Variants in TERB1 observed in about 807,000 individuals in gnomAD.
The protein encoded by TERB1 is telomere repeat binding bouquet formation protein 1.
A neutral mutation model predicts 92.3 loss-of-function variants in TERB1; 63 were observed. That is an observed-to-expected ratio of 0.68 (90% CI 0.56 to 0.84). TERB1 has a LOEUF of 0.84. Ranked by LOEUF, TERB1 falls within the 40% of genes least tolerant of loss-of-function variation. TERB1 has a pLI of 0.00. For missense variants in TERB1, 709 were observed against 843.7 expected (o/e 0.84, Z 1.98); for synonymous variants, 252 against 283.9 (o/e 0.89, Z 1.13).
chr16:66,783,655 G>A (rs1442868452), intron 9 of TERB1, among the ~76,000 whole-genome samples: 1 of 152,150 alleles, frequency 6.6e-6, no homozygotes, highest in African/African-American at 2.4e-5. Flanking sequence ...GAAATGTTTA[G>A]CAGAATTCGC....
intron 16 of TERB1, among the ~76,000 whole-genome samples, chr16:66,759,797 CAA>C (rs762588462): frequency 1.3e-4 from 4 of 30,784 alleles, no homozygotes; most frequent in South Asian, 1.1e-3. Context: ...GACTCTGTCT[CAA>C]AAAAAAAAAA....
At chr16:66,781,680 C>G (rs991361760) in intron 9 of TERB1, among the ~76,000 whole-genome samples, 2 of 151,856 alleles carry the variant, frequency 1.3e-5, no homozygotes, top group Admixed American at 6.6e-5. Flanking sequence ...CCACCACGCC[C>G]GGCTAATTTT....
At position 66,779,163 on chromosome 16, in the gene TERB1, C is replaced by G. The variant is rs998545189; in HGVS notation, c.701-148G>C. 5 of 528,132 alleles carry G rather than the reference C, an allele frequency of 9.5e-6. No homozygotes were observed. In the African/African-American group the frequency reaches 9.6e-5, roughly 10 times the overall value. The allele number at this position is 528,132 out of a possible 1,614,324, so 32.7% of individuals were successfully genotyped here. On this transcript the variant is annotated intron_variant, in intron 9 of 18. Transcript: ENST00000433154. ...TAAAGAACTAAAAATCCAATCTTTA[C>G]CTGTGCATATAATCATAAAATAGAT...
At chr16:66,779,200 T>C (rs1329416473) in intron 9 of TERB1, among the ~76,000 whole-genome samples, 185 bp from the exon 10 acceptor site, 2 of 152,248 alleles carry the variant, frequency 1.3e-5, no homozygotes, top group Non-Finnish European at 2.9e-5. Flanking sequence ...ACTTATTATG[T>C]ATCTTACTTT....
In TERB1 at chr16:66,755,043, C is replaced by T. The variant is rs1014978866; in HGVS notation, c.2117G>A (p.Arg706Gln). The change falls in exon 19 of 19, where the codon CGG becomes CAG. Residue 706 changes from arginine (R) to glutamine (Q), a missense_variant. Coordinates refer to ENST00000433154, the MANE Select transcript of TERB1 (RefSeq NM_001136505.2). ...ILWSFPFQQG[R>Q]KAVDLAHKYH... ...TTTGTGAGCAAGGTCCACAGCCTTC[C>T]GTCCTTGCTGAAAGGGGAAAGACCA... 6.1e-5 allele frequency: 94 copies of T among 1,551,518 alleles called. No individual in the cohort carries two copies. The highest frequency in any genetic ancestry group is 7.1e-5 in the Non-Finnish European group (82 of 1,146,966).
chr16:66,798,439 C>A (rs951937457), intron 2 of TERB1, among the ~76,000 whole-genome samples: 4 of 152,156 alleles, frequency 2.6e-5, no homozygotes, highest in African/African-American at 9.7e-5. Flanking sequence ...GTCTTGGCCT[C>A]CCAAAGGGCT....
intron 9 of TERB1, among the ~76,000 whole-genome samples, chr16:66,779,973 C>T (rs1054368140): frequency 2.6e-5 from 4 of 152,268 alleles, no homozygotes; most frequent in Middle Eastern, 3.4e-3. Flanking sequence ...AATTCTGGGC[C>T]GGGCACCATG....
chr16:66,774,639 G>C (rs1289825951), intron 12 of TERB1, among the ~76,000 whole-genome samples: 3 of 150,760 alleles, frequency 2.0e-5, no homozygotes, highest in Non-Finnish European at 4.4e-5. Flanking sequence ...TGTATATGCT[G>C]AATATACCCT....
At chr16:66,794,884 T>C (rs562266472) in intron 3 of TERB1, among the ~76,000 whole-genome samples, 18 of 140,950 alleles carry the variant, frequency 1.3e-4, no homozygotes, top group African/African-American at 5.1e-4. Context: ...CACTCCAGCC[T>C]GGGCGACAGA....
chr16:66,778,724 G>A (rs2018588641), intron 10 of TERB1, 139 bp downstream of exon 10: 2 of 703,914 alleles, frequency 2.8e-6, no homozygotes, highest in South Asian at 3.5e-5. Context: ...AGCCATGTTG[G>A]ATACTTTCTA....
At chr16:66,786,336 G>T in intron 6 of TERB1, 51 bp from the exon 7 acceptor site, 1 of 1,272,676 alleles carries the variant, frequency 7.9e-7, no homozygotes, top group Non-Finnish European at 1.1e-6. Flanking sequence ...AAATAGTCTT[G>T]CAGAAATGAA....
At chr16:66,768,241 C>G in intron 14 of TERB1, 73 bp from the exon 15 acceptor site, 1 of 1,217,768 alleles carries the variant, frequency 8.2e-7, no homozygotes, top group Non-Finnish European at 1.2e-6. Context: ...TTTCTGTAAG[C>G]AGTGTTGTGA....
At position 66,762,262 on chromosome 16, in the gene TERB1, T is replaced by G. The variant is rs560310880; in HGVS notation, c.1781-2972A>C. Among the ~76,000 whole-genome samples, 52 of 152,378 alleles carry G rather than the reference T, an allele frequency of 3.4e-4. No homozygotes were observed. In the South Asian group the frequency reaches 0.011, roughly 31 times the overall value. On this transcript the variant is annotated intron_variant, in intron 16 of 18. Coordinates refer to ENST00000433154, the MANE Select transcript of TERB1 (RefSeq NM_001136505.2). ...TGGCTAATCATGTTTTATTTATACC[T>G]CTACCTACTCAGCTCTGTCCCCACG... is the stretch of plus-strand genomic sequence containing the variant.
rs1184228435 is a variant in TERB1, at chr16:66,754,946, C to A, written c.*30G>T. 2 of 1,525,358 alleles carry A rather than the reference C, an allele frequency of 1.3e-6. No individual in the cohort carries two copies. The highest frequency in any genetic ancestry group is 1.8e-6 in the Non-Finnish European group (2 of 1,136,246). 94.5% of individuals were successfully genotyped at this position (1,525,358 alleles called of 1,614,324 possible). A position where few individuals can be genotyped will look rare whatever the true frequency, so the allele number is the denominator to read the frequency against. On this transcript the variant is annotated 3_prime_UTR_variant, in exon 19 of 19. Transcript: ENST00000433154. ...TTTCAAGGCACTGTATTTTAAGAATCCAAACTAAAAACTGACAGTCTTCTT... is the reference window on the plus strand; with the variant it reads ...TTTCAAGGCACTGTATTTTAAGAATACAAACTAAAAACTGACAGTCTTCTT...
At chr16:66,790,408 G>A (rs374021204) in intron 5 of TERB1, among the ~76,000 whole-genome samples, 187 bp downstream of exon 5, 10 of 147,504 alleles carry the variant, frequency 6.8e-5, no homozygotes, top group African/African-American at 2.2e-4. Context: ...GAAAGGAAAC[G>A]AAAGGAAAGG....
intron 18 of TERB1, among the ~76,000 whole-genome samples, chr16:66,757,182 A>G (rs1428656004): frequency 3.9e-5 from 6 of 152,176 alleles, no homozygotes; most frequent in Non-Finnish European, 4.4e-5. Context: ...TCCTTTCTAA[A>G]TTCTAAAAAG....
chr16:66,783,533 A>G (rs1329114006), intron 9 of TERB1, among the ~76,000 whole-genome samples: 1 of 152,114 alleles, frequency 6.6e-6, no homozygotes, highest in Non-Finnish European at 1.5e-5. Context: ...GTTTCTCGTA[A>G]TGTTGTTTCT....
Position 66,786,303 on chromosome 16 carries a change from A to T in TERB1, c.401-18T>A. ...TCCGGTCCCTTAAAAAAATAGCCATATAAAAATATGAGTTTTATTTACAAA... is the reference window on the plus strand; with the variant it reads ...TCCGGTCCCTTAAAAAAATAGCCATTTAAAAATATGAGTTTTATTTACAAA... On this transcript the variant is annotated intron_variant, in intron 6 of 18. Transcript: ENST00000433154. 1 of 1,515,832 alleles carries T rather than the reference A, an allele frequency of 6.6e-7. No individual in the cohort carries two copies. The highest frequency in any genetic ancestry group is 8.9e-7 in the Non-Finnish European group (1 of 1,122,214). The allele number at this position is 1,515,832 out of a possible 1,614,324, so 93.9% of individuals were successfully genotyped here. A position where few individuals can be genotyped will look rare whatever the true frequency, so the allele number is the denominator to read the frequency against.
At chr16:66,777,408 C>T in intron 10 of TERB1, 74 bp from the exon 11 acceptor site, 1 of 926,366 alleles carries the variant, frequency 1.1e-6, no homozygotes, top group South Asian at 2.3e-5. Context: ...ATGTATTTTT[C>T]AGAGTTTATT....
Sources: allele counts gnomAD v4.1 joint callset (sites outside exome capture counted in the v4.1 genomes callset), GRCh38; gene constraint gnomAD v4.1.1; transcripts MANE v1.5; gene names NCBI Gene and HGNC (gene_info 2026-07-23, HGNC 2026-07-21).